Variants in CAST observed in about 807,000 individuals in gnomAD.
The protein encoded by CAST is MIR583 host.
Under a neutral mutation model 119.6 loss-of-function variants are expected in CAST, and 76 were observed. The ratio of observed to expected loss-of-function variants is 0.64; its 90% CI spans 0.53 to 0.77. The LOEUF (loss-of-function observed/expected upper bound fraction) is 0.77, where lower values mean the gene tolerates loss of function less well. CAST is among the 30% of genes least tolerant of loss of function. The pLI is 0.00. For missense variants in CAST, 953 were observed against 946.5 expected (o/e 1.01, Z -0.09); for synonymous variants, 319 against 331.6 (o/e 0.96, Z 0.41).
At chr5:96,349,965 A>T in the CAST span, among the ~76,000 whole-genome samples, 3 of 152,210 alleles carry the variant, frequency 2.0e-5, no homozygotes, top group African/African-American at 7.2e-5. Context: ...GATGAAGTAA[A>T]CTAGATAGAT....
At chr5:95,989,976 C>T in the CAST span, among the ~76,000 whole-genome samples, 1 of 152,078 alleles carries the variant, frequency 6.6e-6, no homozygotes, top group Non-Finnish European at 1.5e-5. Context: ...TTATTAGACC[C>T]TTAAATCTCA....
the CAST span, among the ~76,000 whole-genome samples, chr5:96,248,318 C>T: frequency 6.6e-6 from 1 of 152,210 alleles, no homozygotes; most frequent in Non-Finnish European, 1.5e-5. Context: ...CTTTCAGTCT[C>T]TGCAGACAGC....
At chr5:96,432,237 G>C in the CAST span, 4 of 944,998 alleles carry the variant, frequency 4.2e-6, no homozygotes, top group African/African-American at 6.5e-5. Context: ...GGGGATAGAT[G>C]GTCCCGTGTC....
At chr5:96,341,854 T>C in the CAST span, among the ~76,000 whole-genome samples, 1 of 152,218 alleles carries the variant, frequency 6.6e-6, no homozygotes, top group Non-Finnish European at 1.5e-5. Flanking sequence ...AGACTTTCTC[T>C]AGACAGTATG....
chr5:96,345,604 T>C, the CAST span, among the ~76,000 whole-genome samples: 3 of 152,192 alleles, frequency 2.0e-5, no homozygotes, highest in African/African-American at 7.2e-5. Context: ...GTTCCTTAGC[T>C]GGGTATCACT....
chr5:96,414,065 G>A, the CAST span, among the ~76,000 whole-genome samples: 3 of 150,546 alleles, frequency 2.0e-5, no homozygotes, highest in African/African-American at 7.3e-5. Flanking sequence ...CATGAACCCG[G>A]GAGGCGGAGC....
chr5:96,119,058 GT>G, the CAST span, among the ~76,000 whole-genome samples: 1 of 152,162 alleles, frequency 6.6e-6, no homozygotes, highest in Non-Finnish European at 1.5e-5. Flanking sequence ...TGTGCTTGCA[GT>G]TGGACTATAA....
chr5:96,087,386 T>C, the CAST span, among the ~76,000 whole-genome samples: 1 of 152,212 alleles, frequency 6.6e-6, no homozygotes, highest in Admixed American at 6.5e-5. Flanking sequence ...TTAATTTTTT[T>C]CCATTTTTTT....
intron 24 of CAST, chr5:96,760,675 T>C (rs1211268125): frequency 6.6e-6 from 1 of 151,896 alleles, no homozygotes; most frequent in Non-Finnish European, 1.5e-5. Context: ...TGAGAAAATG[T>C]AATTAATATG....
At chr5:96,282,702 T>A in the CAST span, among the ~76,000 whole-genome samples, 2 of 152,214 alleles carry the variant, frequency 1.3e-5, no homozygotes, top group African/African-American at 4.8e-5. Flanking sequence ...AAACTCCAAC[T>A]TTTGTCATTG....
chr5:96,622,857 CTTTTTTTTTTT>C (rs5869727), intron 1 of CAST, among the ~76,000 whole-genome samples: 5 of 64,468 alleles, frequency 7.8e-5, no homozygotes, highest in Admixed American at 6.4e-4. Context: ...TTATGGGACT[CTTTTTTTTTTT>C]TTTTTTTTTT....
chr5:96,652,216 G>C (rs1336999063), intron 1 of CAST, among the ~76,000 whole-genome samples: 2 of 152,218 alleles, frequency 1.3e-5, no homozygotes, highest in Non-Finnish European at 1.5e-5. Context: ...ACGAGGTCCA[G>C]ACCAACCCTT....
intron 25 of CAST, 72 bp from the exon 26 acceptor site, chr5:96,765,149 A>T: frequency 1.2e-6 from 1 of 845,806 alleles, no homozygotes; most frequent in Non-Finnish European, 2.0e-6. Context: ...GAAAAGATGG[A>T]GTTCCTGGGC....
At chr5:96,485,368 C>G in the CAST span, among the ~76,000 whole-genome samples, 2 of 152,270 alleles carry the variant, frequency 1.3e-5, no homozygotes, top group East Asian at 3.9e-4. Flanking sequence ...AAAGTTATTA[C>G]CATCTTTAAA....
At chr5:96,397,802 A>C in the CAST span, among the ~76,000 whole-genome samples, 1 of 151,494 alleles carries the variant, frequency 6.6e-6, no homozygotes, top group Non-Finnish European at 1.5e-5. Flanking sequence ...TGAATTAGAG[A>C]GTCAAAAATC....
the CAST span, chr5:96,421,842 T>C: frequency 1.5e-4 from 160 of 1,066,710 alleles, 2 homozygotes; most frequent in Middle Eastern, 4.1e-4. Context: ...AAAAGCATTG[T>C]AAAGTACTTT....
At chr5:96,193,451 T>G in the CAST span, among the ~76,000 whole-genome samples, 193 of 152,318 alleles carry the variant, frequency 1.3e-3, no homozygotes, top group African/African-American at 4.5e-3. Context: ...TTTAACCTGT[T>G]GAAAAATACA....
chr5:96,480,786 T>C, the CAST span, among the ~76,000 whole-genome samples: 1 of 152,240 alleles, frequency 6.6e-6, no homozygotes, highest in Admixed American at 6.5e-5. Context: ...TGTTAAGTTT[T>C]ACAGAGAAGC....
the CAST span, among the ~76,000 whole-genome samples, chr5:96,236,123 A>C: frequency 1.4e-3 from 137 of 101,072 alleles, 1 homozygote; most frequent in South Asian, 3.0e-3. Context: ...CTATCTATCT[A>C]TCTCTCTATC....
Sources: gnomAD v4.1 joint callset for allele counts (sites outside exome capture counted in the v4.1 genomes callset) on GRCh38, gnomAD v4.1.1 for gene constraint, MANE v1.5 for transcripts, NCBI Gene and HGNC (gene_info 2026-07-23, HGNC 2026-07-21) for gene names.